Variants in SYT14 observed in about 807,000 individuals in gnomAD.
SYT14 encodes synaptotagmin 14, also known as synaptotagmin-14.
Under a neutral mutation model 74.2 loss-of-function variants are expected in SYT14, and 32 were observed. That is an observed-to-expected ratio of 0.43 (90% confidence interval 0.33 to 0.58). The LOEUF is 0.58. Among genes scored for constraint, SYT14 ranks in the 20% least tolerant of loss-of-function variants. The pLI, the probability that SYT14 is intolerant of heterozygous loss-of-function variation, is 0.05. For synonymous variants in SYT14, 298 were observed against 337.7 expected (o/e 0.88, Z 1.29); for missense variants, 791 against 981.8 (o/e 0.81, Z 2.60).
At chr1:210,028,246 T>C (rs947012431) in intron 5 of SYT14, among the ~76,000 whole-genome samples, 3 of 152,048 alleles carry the variant, frequency 2.0e-5, no homozygotes, top group African/African-American at 7.2e-5. Context: ...ATTTTATTCC[T>C]TTTTTTTCTT....
exon 4 of SYT14, chr1:210,016,230 G>C: frequency 8.1e-7 from 1 of 1,232,042 alleles, no homozygotes. Flanking sequence ...AAAAATGCCG[G>C]GTTAACAGAA....
intron 5 of SYT14, among the ~76,000 whole-genome samples, chr1:210,072,174 G>A (rs1021446043): frequency 6.6e-6 from 1 of 150,680 alleles, no homozygotes; most frequent in Admixed American, 6.6e-5. Flanking sequence ...AGCATGAACA[G>A]TGATATAAAC....
chr1:210,081,198 G>A (rs548144254), intron 5 of SYT14, among the ~76,000 whole-genome samples: 21 of 152,228 alleles, frequency 1.4e-4, no homozygotes, highest in Admixed American at 9.8e-4. Flanking sequence ...AAAACATTTA[G>A]GATATCGTCT....
intron 5 of SYT14, among the ~76,000 whole-genome samples, chr1:210,066,578 G>GT (rs1431028224): frequency 6.6e-6 from 1 of 151,956 alleles, no homozygotes; most frequent in Non-Finnish European, 1.5e-5. Flanking sequence ...GGGGTTGTTT[G>GT]TTTTTTTCTT....
intron 1 of SYT14, among the ~76,000 whole-genome samples, chr1:209,943,909 A>G (rs896187125): frequency 2.6e-5 from 4 of 152,190 alleles, no homozygotes; most frequent in Non-Finnish European, 5.9e-5. Flanking sequence ...GGAACCTATC[A>G]AATTAGAACC....
chr1:209,953,974 T>C (rs1380449256), intron 2 of SYT14, among the ~76,000 whole-genome samples: 1 of 152,230 alleles, frequency 6.6e-6, no homozygotes, highest in Non-Finnish European at 1.5e-5. Flanking sequence ...TTTCTCTACA[T>C]AAACATTTGT....
intron 2 of SYT14, among the ~76,000 whole-genome samples, chr1:209,967,489 T>A (rs967792918): frequency 3.9e-5 from 6 of 152,080 alleles, no homozygotes; most frequent in Non-Finnish European, 8.8e-5. Flanking sequence ...ACTTAATTTT[T>A]AAAAAAATAT....
chr1:210,058,447 A>G (rs1377222952), intron 5 of SYT14, among the ~76,000 whole-genome samples: 1 of 152,194 alleles, frequency 6.6e-6, no homozygotes, highest in African/African-American at 2.4e-5. Flanking sequence ...TTGAAGGAGC[A>G]TGGAAAATAG....
At chr1:209,957,656 A>G (rs1437976073) in intron 2 of SYT14, among the ~76,000 whole-genome samples, 2 of 151,948 alleles carry the variant, frequency 1.3e-5, no homozygotes, top group Admixed American at 6.6e-5. Context: ...TGAACTCCCT[A>G]CTTCAGGTGA....
chr1:210,013,665 G>C lies in SYT14; in HGVS notation c.-453G>C, dbSNP rs1453805507. On this transcript the variant is annotated 5_prime_UTR_variant, in exon 3 of 10. Transcript: ENST00000637265. ...AGAGGCAGTTGGATTTTTGTCAGCT[G>C]TTGGGGTGTTTATTATCTTGATGCT... 13 of 1,612,998 alleles carry C rather than the reference G, an allele frequency of 8.1e-6. No homozygotes were observed. Among genetic ancestry groups the C allele is most frequent in the Non-Finnish European group, 1.1e-5 (13 of 1,179,822 alleles).
Position 210,016,388 on chromosome 1 carries a change from C to CT in SYT14, c.386dup (p.Ser130IlefsTer8), listed in dbSNP as rs2080183279. ...ACATGTTAATGATAGGCAACAAACT[C>CT]TATCAGAATATCAAGACACTGGTAA... On this transcript the variant is annotated frameshift_variant, in exon 4 of 10. Transcript: ENST00000637265. LOFTEE classifies it high-confidence loss of function. The CT allele has an allele frequency of 1.6e-6, 2 of 1,232,046 alleles. No homozygotes were observed. Among genetic ancestry groups the CT allele is most frequent in the Non-Finnish European group, 2.0e-6 (2 of 987,904 alleles). The allele number at this position is 1,232,046 out of a possible 1,614,324, so 76.3% of individuals were successfully genotyped here.
chr1:210,059,451 T>TATATATATATATATATATATATATAGAG (rs377050610), intron 5 of SYT14, among the ~76,000 whole-genome samples: 3 of 69,904 alleles, frequency 4.3e-5, no homozygotes, highest in African/African-American at 1.6e-4. Context: ...TATATATATA[T>TATATATATATATATATATATATATAGAG]AGAGAGAGAG....
chr1:210,045,461 T>A (rs2080867829), intron 5 of SYT14, among the ~76,000 whole-genome samples: 1 of 152,214 alleles, frequency 6.6e-6, no homozygotes, highest in Non-Finnish European at 1.5e-5. Context: ...TTTTTTGTTG[T>A]TGTTTTTGCG....
At chr1:210,140,900 G>A (rs1396368859) in intron 7 of SYT14, among the ~76,000 whole-genome samples, 1 of 151,928 alleles carries the variant, frequency 6.6e-6, no homozygotes, top group Non-Finnish European at 1.5e-5. Context: ...GATTATTGAA[G>A]CTTTATAATC....
intron 7 of SYT14, among the ~76,000 whole-genome samples, chr1:210,141,066 A>G (rs1263013040): frequency 6.7e-6 from 1 of 149,142 alleles, no homozygotes; most frequent in Non-Finnish European, 1.5e-5. Flanking sequence ...AAAAAAAAAG[A>G]AGGCCATAGC....
At chr1:210,026,607 C>G (rs2080417512) in intron 5 of SYT14, among the ~76,000 whole-genome samples, 2 of 112,236 alleles carry the variant, frequency 1.8e-5, no homozygotes, top group Non-Finnish European at 3.3e-5. Flanking sequence ...ATATAGCTTA[C>G]ACACACACAC....
At chr1:210,036,801 A>G (rs1177731730) in intron 5 of SYT14, among the ~76,000 whole-genome samples, 1 of 152,042 alleles carries the variant, frequency 6.6e-6, no homozygotes, top group African/African-American at 2.4e-5. Context: ...GTGGTGTATT[A>G]TATTTGTGAT....
chr1:210,117,954 C>A (rs1186170314), intron 7 of SYT14, among the ~76,000 whole-genome samples: 1 of 152,172 alleles, frequency 6.6e-6, no homozygotes, highest in Non-Finnish European at 1.5e-5. Flanking sequence ...ATGCTAATCC[C>A]TTCACTGTCA....
intron 5 of SYT14, among the ~76,000 whole-genome samples, chr1:210,071,544 G>C (rs2102446276): frequency 6.6e-6 from 1 of 152,048 alleles, no homozygotes; most frequent in Admixed American, 6.5e-5. Context: ...CAAGAAGTCT[G>C]CCTAACTGCT....
Sources: gnomAD v4.1 joint callset for allele counts (sites outside exome capture counted in the v4.1 genomes callset) on GRCh38, gnomAD v4.1.1 for gene constraint, MANE v1.5 for transcripts, NCBI Gene and HGNC (gene_info 2026-07-23, HGNC 2026-07-21) for gene names.